CCDC93: variants seen among roughly 807,000 people sequenced by gnomAD.
CCDC93 encodes CCC complex scaffolding subunit CCDC93.
CCDC93 carries 61 observed loss-of-function variants against 108.2 expected under a neutral mutation model. That is an observed-to-expected ratio of 0.56 (90% CI 0.46 to 0.70). The LOEUF is 0.70. CCDC93 is among the 30% of genes least tolerant of loss of function. CCDC93 has a pLI of 0.00. For synonymous variants in CCDC93, 276 were observed against 260.4 expected (o/e 1.06, Z -0.58); for missense variants, 685 against 764.2 (o/e 0.90, Z 1.22).
chr2:118,006,958 C>A, intron 2 of CCDC93, 142 bp from the exon 3 acceptor site: 1 of 610,992 alleles, frequency 1.6e-6, no homozygotes, highest in Admixed American at 3.0e-5. Context: ...GAGTGTGTGT[C>A]CTCCTTACCC....
chr2:117,960,947 G>A (rs955481145), intron 11 of CCDC93, among the ~76,000 whole-genome samples: 1 of 152,140 alleles, frequency 6.6e-6, no homozygotes, highest in African/African-American at 2.4e-5. Context: ...CAATGAATAC[G>A]TAAGCTACTG....
At chr2:117,995,051 C>T (rs1210852494) in intron 6 of CCDC93, among the ~76,000 whole-genome samples, 1 of 152,234 alleles carries the variant, frequency 6.6e-6, no homozygotes, top group Non-Finnish European at 1.5e-5. Flanking sequence ...TTCCCGCACA[C>T]AGCTCAGAGG....
intron 23 of CCDC93, among the ~76,000 whole-genome samples, chr2:117,923,456 C>T (rs1263611778): frequency 6.6e-6 from 1 of 152,238 alleles, no homozygotes; most frequent in African/African-American, 2.4e-5. Flanking sequence ...AAATGGCACA[C>T]CAGCAGATTA....
chr2:118,012,604 A>C (rs1221461542), intron 1 of CCDC93: 1 of 152,264 alleles, frequency 6.6e-6, no homozygotes, highest in African/African-American at 2.4e-5. Context: ...ACTTGATGAG[A>C]GCCTAGAATA....
chr2:117,944,765 G>C (rs1678815519), intron 17 of CCDC93: 1 of 471,090 alleles, frequency 2.1e-6, no homozygotes, highest in Non-Finnish European at 4.4e-6. Flanking sequence ...AAATCCAACA[G>C]ACTTCACTGG....
At chr2:117,977,671 C>A (rs1342865086) in intron 8 of CCDC93, among the ~76,000 whole-genome samples, 1 of 152,190 alleles carries the variant, frequency 6.6e-6, no homozygotes, top group Non-Finnish European at 1.5e-5. Context: ...AGAGTCTCAC[C>A]TCAGATGAGG....
chr2:117,982,213 C>T (rs922070027), intron 7 of CCDC93, among the ~76,000 whole-genome samples: 15 of 152,178 alleles, frequency 9.9e-5, no homozygotes, highest in Non-Finnish European at 1.5e-4. Flanking sequence ...CTCCAGCATT[C>T]TGGTGGCTGT....
chr2:117,992,390 C>CA (rs1680500863), intron 6 of CCDC93, among the ~76,000 whole-genome samples: 1 of 152,076 alleles, frequency 6.6e-6, no homozygotes, highest in African/African-American at 2.4e-5. Context: ...ACTACAGGTA[C>CA]ATGCCACCAT....
chr2:117,982,624 A>G (rs1005543968), intron 7 of CCDC93, among the ~76,000 whole-genome samples: 1 of 152,210 alleles, frequency 6.6e-6, no homozygotes, highest in Non-Finnish European at 1.5e-5. Flanking sequence ...CCCAAGGAAG[A>G]AATACTGATT....
intron 11 of CCDC93, among the ~76,000 whole-genome samples, chr2:117,967,192 C>T (rs1679613358): frequency 1.3e-5 from 2 of 152,138 alleles, no homozygotes; most frequent in South Asian, 2.1e-4. Flanking sequence ...AGGGTTTCAC[C>T]ATGTTGGCCA....
intron 2 of CCDC93, among the ~76,000 whole-genome samples, chr2:118,007,435 G>A (rs1045006048): frequency 3.3e-5 from 5 of 152,222 alleles, no homozygotes; most frequent in African/African-American, 1.2e-4. Flanking sequence ...ACTTTGGGAG[G>A]CTGAGGCGGG....
chr2:117,939,665 C>T (rs1415737145), intron 19 of CCDC93, among the ~76,000 whole-genome samples: 1 of 152,196 alleles, frequency 6.6e-6, no homozygotes, highest in African/African-American at 2.4e-5. Flanking sequence ...TGCCTCTGAT[C>T]ATTTGAGTCC....
At position 117,978,160 on chromosome 2, in the gene CCDC93, C is replaced by A. The variant is rs990482120; in HGVS notation, c.621-130G>T. On this transcript the variant is annotated intron_variant, in intron 7 of 23. Transcript: ENST00000376300. Reference sequence around the variant, plus strand: ...TATGCCATTTGGTGACTTGAGAAAACGTTACAAGTGCCTAAATTACAAACA... The same window carrying A: ...TATGCCATTTGGTGACTTGAGAAAAAGTTACAAGTGCCTAAATTACAAACA... 6 of 784,902 alleles carry A rather than the reference C, an allele frequency of 7.6e-6. No homozygotes were observed. The Admixed American group carries it at 1.3e-4, about 17-fold the overall frequency. The allele number at this position is 784,902 out of a possible 1,614,324, so 48.6% of individuals were successfully genotyped here.
intron 23 of CCDC93, 46 bp downstream of exon 23, chr2:117,930,991 A>G (rs1678306341): frequency 1.6e-6 from 2 of 1,277,748 alleles, no homozygotes; most frequent in Non-Finnish European, 2.2e-6. Flanking sequence ...TGAGGTGAAC[A>G]TATATCTCAC....
intron 6 of CCDC93, among the ~76,000 whole-genome samples, chr2:117,995,094 G>T (rs189495622): frequency 1.3e-5 from 2 of 152,308 alleles, no homozygotes; most frequent in East Asian, 3.9e-4. Flanking sequence ...TCAAGGGGGT[G>T]GGGGACAGAA....
intron 4 of CCDC93, 188 bp downstream of exon 4, chr2:118,000,633 G>T: frequency 1.9e-6 from 1 of 537,740 alleles, no homozygotes; most frequent in South Asian, 2.7e-5. Flanking sequence ...CATGAAACTA[G>T]AGTATATGCA....
intron 23 of CCDC93, chr2:117,921,906 G>A (rs904839951): frequency 6.6e-6 from 1 of 151,890 alleles, no homozygotes; most frequent in African/African-American, 2.4e-5. Context: ...TTTTTGGGGA[G>A]AGAGGGGCAG....
chr2:117,970,381 A>G (rs971724247), intron 11 of CCDC93, among the ~76,000 whole-genome samples: 3 of 152,212 alleles, frequency 2.0e-5, no homozygotes, highest in Admixed American at 1.3e-4. Flanking sequence ...ATAATTAATA[A>G]AAGACCAGCT....
chr2:117,923,030 C>G (rs920511596), intron 23 of CCDC93, among the ~76,000 whole-genome samples: 3 of 151,190 alleles, frequency 2.0e-5, no homozygotes, highest in Admixed American at 1.3e-4. Flanking sequence ...GGACTACCCA[C>G]CATCACAATT....
Sources: allele counts gnomAD v4.1 joint callset (sites outside exome capture counted in the v4.1 genomes callset), GRCh38; gene constraint gnomAD v4.1.1; transcripts MANE v1.5; gene names NCBI Gene and HGNC (gene_info 2026-07-23, HGNC 2026-07-21).